Variants in AKT3 observed in about 807,000 individuals in gnomAD.
The protein encoded by AKT3 is AKT serine/threonine kinase 3.
A neutral mutation model predicts 65.3 loss-of-function variants in AKT3; 15 were observed. The ratio of observed to expected loss-of-function variants is 0.23; its 90% CI spans 0.15 to 0.35. The LOEUF is 0.35. Among genes scored for constraint, AKT3 ranks in the 10% least tolerant of loss-of-function variants. The pLI is 1.00. For synonymous variants in AKT3, 206 were observed against 183.8 expected (o/e 1.12, Z -0.98); for missense variants, 243 against 576.5 (o/e 0.42, Z 5.92).
downstream of AKT3, among the ~76,000 whole-genome samples, chr1:243,497,724 C>T (rs1020689159): frequency 2.6e-5 from 4 of 152,280 alleles, no homozygotes; most frequent in East Asian, 1.9e-4. Context: ...ATTGTGTGTA[C>T]GTGGGTGTGT....
At chr1:243,788,436 G>T (rs528857081) in intron 2 of AKT3, among the ~76,000 whole-genome samples, 25 of 151,164 alleles carry the variant, frequency 1.7e-4, no homozygotes, top group African/African-American at 4.9e-4. Flanking sequence ...GGGTATTCGT[G>T]GGGGGGACTG....
chr1:243,791,355 G>C (rs140508012), intron 2 of AKT3, among the ~76,000 whole-genome samples: 111 of 151,832 alleles, frequency 7.3e-4, no homozygotes, highest in African/African-American at 2.3e-3. Context: ...CCCACAATGG[G>C]TATGAGAGGC....
intron 9 of AKT3, among the ~76,000 whole-genome samples, chr1:243,567,792 A>C (rs1337074765): frequency 6.6e-6 from 1 of 152,164 alleles, no homozygotes; most frequent in Non-Finnish European, 1.5e-5. Flanking sequence ...ATCTTGTATA[A>C]AGATAAATCA....
At chr1:243,766,138 T>G (rs1045557660) in intron 2 of AKT3, among the ~76,000 whole-genome samples, 1 of 152,172 alleles carries the variant, frequency 6.6e-6, no homozygotes, top group African/African-American at 2.4e-5. Flanking sequence ...AAAACACTAT[T>G]TTAGAAAATC....
intron 12 of AKT3, among the ~76,000 whole-genome samples, chr1:243,518,210 G>A (rs1262649707): frequency 6.6e-6 from 1 of 152,186 alleles, no homozygotes; most frequent in Non-Finnish European, 1.5e-5. Context: ...ATTCTAGGAA[G>A]CATTATTCCC....
At chr1:243,571,768 C>A (rs775734541) in intron 9 of AKT3, among the ~76,000 whole-genome samples, 6 of 152,272 alleles carry the variant, frequency 3.9e-5, no homozygotes, top group Middle Eastern at 3.4e-3. Context: ...CTGCCACATT[C>A]CTAGTTATAA....
intron 11 of AKT3, chr1:243,547,931 T>C (rs1336906366): frequency 6.6e-6 from 1 of 152,196 alleles, no homozygotes; most frequent in Non-Finnish European, 1.5e-5. Context: ...TGTTCGATGT[T>C]TGCATTTGGA....
chr1:243,505,407 T>C (rs762736239), intron 13 of AKT3, 73 bp from the exon 14 acceptor site: 15 of 1,335,562 alleles, frequency 1.1e-5, no homozygotes, highest in Non-Finnish European at 1.5e-5. Flanking sequence ...CTATGTTTTT[T>C]AAACTCTGAA....
Position 243,821,019 on chromosome 1 carries a change from T to A in AKT3, c.46+22106A>T, listed in dbSNP as rs1450769865. ...AGGTCAAAACTCAAAGAAAAAAGGTTAAAAGCAGCCAGAGAGAAAGGCCAG... is the reference window on the plus strand; with the variant it reads ...AGGTCAAAACTCAAAGAAAAAAGGTAAAAAGCAGCCAGAGAGAAAGGCCAG... On this transcript the variant is annotated intron_variant, in intron 2 of 13. Transcript: ENST00000673466. Among the ~76,000 whole-genome samples the A allele has an allele frequency of 4.6e-5, 7 of 152,018 alleles. No homozygotes were observed. The East Asian group carries it at 1.2e-3, about 25-fold the overall frequency.
chr1:243,730,071 C>G (rs1482940834), intron 2 of AKT3, among the ~76,000 whole-genome samples: 2 of 152,204 alleles, frequency 1.3e-5, no homozygotes, highest in African/African-American at 4.8e-5. Context: ...CCTGGCTGCT[C>G]CTTCTAGCTG....
chr1:243,681,069 C>A (rs969997980), intron 3 of AKT3, among the ~76,000 whole-genome samples: 2 of 152,122 alleles, frequency 1.3e-5, no homozygotes, highest in African/African-American at 4.8e-5. Context: ...AAGCACTGGT[C>A]TGGAAACTTG....
chr1:243,605,623 T>C (rs559957065), intron 8 of AKT3, among the ~76,000 whole-genome samples: 19 of 152,348 alleles, frequency 1.2e-4, no homozygotes, highest in African/African-American at 4.6e-4. Flanking sequence ...ATAAATTACA[T>C]GCAACTATGA....
At chr1:243,786,768 CCTTCCTA>C (rs1186959704) in intron 2 of AKT3, among the ~76,000 whole-genome samples, 6 of 152,052 alleles carry the variant, frequency 3.9e-5, no homozygotes, top group African/African-American at 1.4e-4. Flanking sequence ...ATTCCTCAGC[CCTTCCTA>C]CTCACCCACA....
chr1:243,826,861 TA>T (rs1450875369), intron 2 of AKT3, among the ~76,000 whole-genome samples: 2 of 152,338 alleles, frequency 1.3e-5, no homozygotes, highest in African/African-American at 4.8e-5. Context: ...AAAAAAGTTC[TA>T]GTAATTGTAC....
At chr1:243,754,981 C>G (rs1376313790) in intron 2 of AKT3, among the ~76,000 whole-genome samples, 1 of 152,212 alleles carries the variant, frequency 6.6e-6, no homozygotes, top group Non-Finnish European at 1.5e-5. Flanking sequence ...TTTTGACTTA[C>G]AGTCTTCCAG....
intron 3 of AKT3, among the ~76,000 whole-genome samples, chr1:243,690,767 T>C (rs1684640136): frequency 6.6e-6 from 1 of 152,070 alleles, no homozygotes; most frequent in African/African-American, 2.4e-5. Flanking sequence ...TATGTGATAG[T>C]CGAGACACTT....
intron 2 of AKT3, among the ~76,000 whole-genome samples, chr1:243,711,825 C>T (rs979603160): frequency 6.6e-6 from 1 of 152,180 alleles, no homozygotes; most frequent in African/African-American, 2.4e-5. Flanking sequence ...ATATTTAAAT[C>T]TGGTCTTTGT....
At chr1:243,699,299 A>T (rs1444272736) in intron 2 of AKT3, among the ~76,000 whole-genome samples, 1 of 151,688 alleles carries the variant, frequency 6.6e-6, no homozygotes, top group Non-Finnish European at 1.5e-5. Context: ...GTTAAAATGG[A>T]AAGTCTTGTC....
At chr1:243,685,726 A>G (rs1298487138) in intron 3 of AKT3, among the ~76,000 whole-genome samples, 1 of 152,144 alleles carries the variant, frequency 6.6e-6, no homozygotes, top group Non-Finnish European at 1.5e-5. Flanking sequence ...CACCACTCCT[A>G]TTCAACATAG....
Sources: allele counts gnomAD v4.1 joint callset (sites outside exome capture counted in the v4.1 genomes callset), GRCh38; gene constraint gnomAD v4.1.1; transcripts MANE v1.5; gene names NCBI Gene and HGNC (gene_info 2026-07-23, HGNC 2026-07-21).